APBB2: variants seen among roughly 807,000 people sequenced by gnomAD.
The protein encoded by APBB2 is amyloid beta precursor protein binding family B member 2, also known as Fe65-like 1.
APBB2 carries 38 observed loss-of-function variants against 82.5 expected under a neutral mutation model. That is an observed-to-expected ratio of 0.46 (90% CI 0.36 to 0.60). APBB2 has a LOEUF of 0.60. Ranked by LOEUF, APBB2 falls within the 20% of genes least tolerant of loss-of-function variation. APBB2 has a pLI of 0.00. For synonymous variants in APBB2, 341 were observed against 368.2 expected (o/e 0.93, Z 0.85); for missense variants, 772 against 972.3 (o/e 0.79, Z 2.74).
At chr4:40,928,592 T>TA (rs1478994847) in intron 10 of APBB2, among the ~76,000 whole-genome samples, 3 of 140,454 alleles carry the variant, frequency 2.1e-5, no homozygotes, top group Admixed American at 7.3e-5. Flanking sequence ...TAAATAATTT[T>TA]AAAAAAAATG....
chr4:40,903,940 T>G (rs1158595565), intron 10 of APBB2, among the ~76,000 whole-genome samples: 1 of 152,232 alleles, frequency 6.6e-6, no homozygotes, highest in East Asian at 1.9e-4. Flanking sequence ...CACATACTAT[T>G]TATTTCACAT....
intron 6 of APBB2, among the ~76,000 whole-genome samples, chr4:40,945,873 G>C (rs1788239362): frequency 6.6e-6 from 1 of 152,220 alleles, no homozygotes; most frequent in African/African-American, 2.4e-5. Context: ...CTCCCAAAGT[G>C]CTGGGACTAC....
intron 3 of APBB2, among the ~76,000 whole-genome samples, chr4:41,067,867 T>A (rs1221228935): frequency 6.6e-6 from 1 of 152,136 alleles, no homozygotes; most frequent in Non-Finnish European, 1.5e-5. Flanking sequence ...GGAAAGGGAA[T>A]GCGTGGCTGC....
rs772896772 is a variant in APBB2 at position 40,812,948 on chromosome 4, G to A, written c.*3144C>T. ...TCTCTTAGATGAAATCACACATGTT[G>A]TGAAGGGTAGAAAAACGAAGCACCA... On this transcript the variant is annotated 3_prime_UTR_variant, in exon 18 of 18. Transcript: ENST00000508593. 2.6e-5 allele frequency: 4 copies of A among 152,356 alleles called. No homozygotes were observed. Among genetic ancestry groups the A allele is most frequent in the Non-Finnish European group, 5.9e-5 (4 of 68,036 alleles). The allele number at this position is 152,356 out of a possible 1,614,324, so 9.4% of individuals were successfully genotyped here. A position where few individuals can be genotyped will look rare whatever the true frequency, so the allele number is the denominator to read the frequency against.
rs1491035337 is a variant in APBB2 at position 41,159,957 on chromosome 4, GAA to G, written c.-416-16817_-416-16816del. Among the ~76,000 whole-genome samples, 34 of 94,220 alleles carry G rather than the reference GAA, an allele frequency of 3.6e-4. 2 individuals carry two copies. The highest frequency in any genetic ancestry group is 2.8e-3 in the East Asian group (10 of 3,610). The allele number at this position is 94,220 out of a possible 152,430, so 61.8% of individuals were successfully genotyped here. A position where few individuals can be genotyped will look rare whatever the true frequency, so the allele number is the denominator to read the frequency against. On this transcript the variant is annotated intron_variant, in intron 1 of 17. Transcript: ENST00000508593. Reference sequence around the variant, plus strand: ...AGGAGGAGGAGGAGAAGGAGAAGGAGAAGGAGAAGAAGAAGAAGAAGAAGAAG... The same window carrying G: ...AGGAGGAGGAGGAGAAGGAGAAGGAGGGAGAAGAAGAAGAAGAAGAAGAAG...
intron 10 of APBB2, among the ~76,000 whole-genome samples, chr4:40,907,375 A>ATTTTTT (rs1316757649): frequency 3.1e-5 from 1 of 32,514 alleles, no homozygotes; most frequent in African/African-American, 1.6e-4. Context: ...ATATATATAT[A>ATTTTTT]TATATTTTTT....
At chr4:41,097,968 C>T (rs915431786) in intron 3 of APBB2, among the ~76,000 whole-genome samples, 2 of 151,942 alleles carry the variant, frequency 1.3e-5, no homozygotes, top group African/African-American at 4.8e-5. Context: ...CAGTCAGAAA[C>T]ATTTTCTTAT....
chr4:40,964,972 T>C (rs1333178836), intron 6 of APBB2, among the ~76,000 whole-genome samples: 1 of 151,928 alleles, frequency 6.6e-6, no homozygotes, highest in African/African-American at 2.4e-5. Flanking sequence ...TATAAAAAAT[T>C]AGCTGGGCGT....
At position 41,100,725 on chromosome 4, in the gene APBB2, A is replaced by AGGT. The variant is rs1745059714; in HGVS notation, c.-238_-236dup. 1 of 152,188 alleles carries AGGT rather than the reference A, an allele frequency of 6.6e-6. No individual in the cohort carries two copies. Among genetic ancestry groups the AGGT allele is most frequent in the Non-Finnish European group, 1.5e-5 (1 of 68,038 alleles). The allele number at this position is 152,188 out of a possible 1,614,324, so 9.4% of individuals were successfully genotyped here. A position where few individuals can be genotyped will look rare whatever the true frequency, so the allele number is the denominator to read the frequency against. ...GTTAATTAATAGCAAGCACCCAAGG[A>AGGT]GGTCAGGCAGCCCAAAGAGATCGAT... On this transcript the variant is annotated 5_prime_UTR_variant, in exon 3 of 18. Coordinates refer to ENST00000508593, the MANE Select transcript of APBB2 (RefSeq NM_004307.2).
chr4:41,023,492 T>C (rs1183081733), intron 5 of APBB2, among the ~76,000 whole-genome samples: 1 of 152,072 alleles, frequency 6.6e-6, no homozygotes, highest in African/African-American at 2.4e-5. Context: ...AGTTTCAGGA[T>C]ACAAAATCAG....
intron 3 of APBB2, among the ~76,000 whole-genome samples, chr4:41,067,235 C>T (rs1002661056): frequency 6.6e-6 from 1 of 152,052 alleles, no homozygotes; most frequent in Admixed American, 6.6e-5. Flanking sequence ...CAGGGAGAAA[C>T]CCCATCTCTA....
intron 2 of APBB2, among the ~76,000 whole-genome samples, chr4:41,111,786 C>T (rs1298524631): frequency 6.6e-6 from 1 of 152,112 alleles, no homozygotes; most frequent in African/African-American, 2.4e-5. Flanking sequence ...TAGCAATTCC[C>T]TATATTCTCA....
chr4:41,065,439 TA>T (rs1365027114), intron 4 of APBB2, 136 bp downstream of exon 4: 2 of 152,346 alleles, frequency 1.3e-5, no homozygotes, highest in Middle Eastern at 3.4e-3. Context: ...AAACTTACCC[TA>T]GAGCAATCCA....
At chr4:40,838,210 T>A (rs1334507876) in intron 12 of APBB2, among the ~76,000 whole-genome samples, 1 of 150,674 alleles carries the variant, frequency 6.6e-6, no homozygotes, top group African/African-American at 2.4e-5. Flanking sequence ...TCACCCAGGC[T>A]GGAGTGCAGT....
chr4:40,881,050 T>C (rs777369673), intron 12 of APBB2: 5 of 985,278 alleles, frequency 5.1e-6, no homozygotes, highest in Non-Finnish European at 6.0e-6. Context: ...GTGCTGAAAG[T>C]ATTGCAAGCA....
At chr4:41,142,426 G>A (rs1759511965) in intron 2 of APBB2, among the ~76,000 whole-genome samples, 1 of 152,132 alleles carries the variant, frequency 6.6e-6, no homozygotes, top group African/African-American at 2.4e-5. Flanking sequence ...AATGCCAAAT[G>A]CACACACTGC....
intron 2 of APBB2, among the ~76,000 whole-genome samples, chr4:41,116,935 G>A (rs894175027): frequency 1.3e-5 from 2 of 151,930 alleles, no homozygotes; most frequent in East Asian, 3.9e-4. Context: ...ATTCTCACAC[G>A]TTCCCACCTC....
chr4:41,185,001 C>T (rs1772491439), intron 1 of APBB2, among the ~76,000 whole-genome samples: 1 of 152,216 alleles, frequency 6.6e-6, no homozygotes, highest in Non-Finnish European at 1.5e-5. Flanking sequence ...AGAATCCAAC[C>T]TGAGACACTT....
intron 6 of APBB2, among the ~76,000 whole-genome samples, chr4:40,950,051 C>A (rs1302084293): frequency 6.6e-6 from 1 of 152,176 alleles, no homozygotes; most frequent in Non-Finnish European, 1.5e-5. Context: ...GCGGGGGCTA[C>A]TGAAGGCAAG....
Sources: allele counts gnomAD v4.1 joint callset (sites outside exome capture counted in the v4.1 genomes callset), GRCh38; gene constraint gnomAD v4.1.1; transcripts MANE v1.5; gene names NCBI Gene and HGNC (gene_info 2026-07-23, HGNC 2026-07-21).